DCAF1: variants seen among roughly 807,000 people sequenced by gnomAD.
DCAF1 encodes the protein DDB1- and CUL4-associated factor 1.
Under a neutral mutation model 128.0 loss-of-function variants are expected in DCAF1, and 15 were observed. The observed-to-expected ratio is 0.12, with a 90% CI of 0.08 to 0.18. The LOEUF (loss-of-function observed/expected upper bound fraction) is 0.18, where lower values mean the gene tolerates loss of function less well. Among genes scored for constraint, DCAF1 ranks in the 10% least tolerant of loss-of-function variants. DCAF1 has a pLI of 1.00. For missense variants in DCAF1, 988 were observed against 1,649.5 expected (o/e 0.60, Z 6.95); for synonymous variants, 610 against 603.0 (o/e 1.01, Z -0.17).
chr3:51,439,180 G>C (rs1438565917), intron 9 of DCAF1, among the ~76,000 whole-genome samples: 3 of 151,896 alleles, frequency 2.0e-5, no homozygotes, highest in Non-Finnish European at 1.5e-5. Flanking sequence ...TGTCGCTCAG[G>C]CTCACCCTAG....
intron 2 of DCAF1, among the ~76,000 whole-genome samples, chr3:51,486,013 T>G (rs1278039792): frequency 1.3e-5 from 2 of 151,346 alleles, no homozygotes; most frequent in African/African-American, 4.8e-5. Flanking sequence ...TGCCTCAGCC[T>G]CCCAAGTAGC....
chr3:51,499,222 T>G (rs764733905), intron 1 of DCAF1, among the ~76,000 whole-genome samples: 1 of 152,180 alleles, frequency 6.6e-6, no homozygotes, highest in African/African-American at 2.4e-5. Context: ...CCCCCGGAAA[T>G]AGACTCCAGG....
chr3:51,398,922 A>G, intron 24 of DCAF1, 95 bp from the exon 25 acceptor site: 2 of 1,469,162 alleles, frequency 1.4e-6, no homozygotes, highest in Middle Eastern at 1.8e-4. Flanking sequence ...TTCATGCCCG[A>G]GCAAGGTTAA....
the DCAF1 span, among the ~76,000 whole-genome samples, chr3:51,505,636 T>C: frequency 2.9e-3 from 435 of 152,358 alleles, 3 homozygotes; most frequent in African/African-American, 9.9e-3. Flanking sequence ...AGGTCCAGGC[T>C]TCTGACAAGA....
chr3:51,417,194 G>C (rs1698956046), intron 17 of DCAF1, among the ~76,000 whole-genome samples: 1 of 152,140 alleles, frequency 6.6e-6, no homozygotes, highest in Non-Finnish European at 1.5e-5. Flanking sequence ...GAGGCAGGTG[G>C]ATTGTCTAAG....
intron 3 of DCAF1, among the ~76,000 whole-genome samples, chr3:51,477,950 G>A (rs1036039100): frequency 5.3e-5 from 8 of 151,912 alleles, no homozygotes; most frequent in African/African-American, 1.9e-4. Flanking sequence ...GCCTGATTTG[G>A]AACTTCATCA....
chr3:51,497,173 T>C (rs879948050), intron 1 of DCAF1, among the ~76,000 whole-genome samples: 2 of 152,090 alleles, frequency 1.3e-5, no homozygotes, highest in Non-Finnish European at 2.9e-5. Context: ...CACACACCTG[T>C]AATCCCAGCT....
At chr3:51,443,639 A>C (rs1285726875) in intron 7 of DCAF1, 127 bp downstream of exon 7, 2 of 833,630 alleles carry the variant, frequency 2.4e-6, no homozygotes, top group Non-Finnish European at 3.3e-6. Flanking sequence ...ATGGAAACTA[A>C]TATTGAAATT....
intron 24 of DCAF1, among the ~76,000 whole-genome samples, chr3:51,399,281 G>C (rs907298708): frequency 1.3e-5 from 2 of 152,238 alleles, no homozygotes; most frequent in Non-Finnish European, 2.9e-5. Flanking sequence ...AAAAGTGAGA[G>C]ATGTATCTTT....
At chr3:51,466,575 T>C (rs7620081) in intron 5 of DCAF1, among the ~76,000 whole-genome samples, 13,454 of 152,102 alleles carry the variant, frequency 0.088, 732 homozygotes, top group African/African-American at 0.12. Flanking sequence ...TATTCTCAAA[T>C]TCAAAATCAT....
rs1192133807 is a variant in DCAF1 at position 51,460,933 on chromosome 3, T to C, written c.375+2181A>G. Among the ~76,000 whole-genome samples, 12 of 150,554 alleles carry C rather than the reference T, an allele frequency of 8.0e-5. No homozygotes were observed. In the South Asian group the frequency reaches 1.3e-3, roughly 16 times the overall value. ...ATTCAAGATGGATTAAAGACTTAAATGTTAGACCTAAAACCATAAAAACCC... is the reference window on the plus strand; with the variant it reads ...ATTCAAGATGGATTAAAGACTTAAACGTTAGACCTAAAACCATAAAAACCC... On this transcript the variant is annotated intron_variant, in intron 6 of 24. Coordinates refer to ENST00000684031, the MANE Select transcript of DCAF1 (RefSeq NM_001387579.1).
intron 4 of DCAF1, among the ~76,000 whole-genome samples, chr3:51,469,169 A>G (rs1450822546): frequency 6.6e-6 from 1 of 151,666 alleles, no homozygotes; most frequent in East Asian, 1.9e-4. Flanking sequence ...TGAATATACA[A>G]TGTCCTTATT....
Position 51,416,787 on chromosome 3 carries a change from G to T in DCAF1, c.3603C>A (p.His1201Gln). 6.2e-7 allele frequency: 1 copy of T among 1,609,218 alleles called. No homozygotes were observed. The highest frequency in any genetic ancestry group is 1.7e-5 in the Admixed American group (1 of 59,394). The change falls in exon 18 of 25, where the codon CAC becomes CAA. Residue 1201 changes from histidine (H) to glutamine (Q), a missense_variant and splice_region_variant. Physicochemically the swap from His to Gln is conservative, Grantham distance 24. Coordinates refer to ENST00000684031, the MANE Select transcript of DCAF1 (RefSeq NM_001387579.1). ...AAAACAGTGGTTCTTAAGTACTTAC[G>T]TGGGCAATGTCTCCTTTTGTGCCGA... ...RVIGTKGDIA[H>Q]IYDIQTGNKL...
At chr3:51,489,805 G>A (rs1553657044) in intron 2 of DCAF1, among the ~76,000 whole-genome samples, 1 of 112,746 alleles carries the variant, frequency 8.9e-6, no homozygotes, top group Admixed American at 1.0e-4. Flanking sequence ...AAAAAAGTGT[G>A]TATGCATGTG....
intron 3 of DCAF1, among the ~76,000 whole-genome samples, chr3:51,481,172 A>G (rs1308083189): frequency 6.6e-6 from 1 of 152,194 alleles, no homozygotes; most frequent in African/African-American, 2.4e-5. Flanking sequence ...TATGAAAGTA[A>G]GCCACATCAT....
chr3:51,438,093 G>A, intron 9 of DCAF1: 1 of 438,684 alleles, frequency 2.3e-6, no homozygotes, highest in South Asian at 1.8e-5. Context: ...ACTTCTGCAT[G>A]CCCAAAATTT....
chr3:51,419,633 A>T, intron 15 of DCAF1, 101 bp downstream of exon 15: 1 of 1,498,566 alleles, frequency 6.7e-7, no homozygotes, highest in Non-Finnish European at 8.9e-7. Flanking sequence ...ACAAAGTAAC[A>T]ATCAGTGGTA....
At chr3:51,468,175 T>C (rs1312464488) in intron 4 of DCAF1, among the ~76,000 whole-genome samples, 4 of 150,792 alleles carry the variant, frequency 2.7e-5, no homozygotes, top group African/African-American at 9.9e-5. Context: ...TACTGGTTTG[T>C]TGTTGTTGTG....
chr3:51,483,439 C>CA (rs1264027842), intron 3 of DCAF1, among the ~76,000 whole-genome samples: 44 of 121,072 alleles, frequency 3.6e-4, no homozygotes, highest in Middle Eastern at 4.2e-3. Context: ...AACTCTGACT[C>CA]AAAAAAAAAA....
Sources: allele counts gnomAD v4.1 joint callset (sites outside exome capture counted in the v4.1 genomes callset), GRCh38; gene constraint gnomAD v4.1.1; transcripts MANE v1.5; gene names NCBI Gene and HGNC (gene_info 2026-07-23, HGNC 2026-07-21).